Variants in TBC1D5 observed in about 807,000 individuals in gnomAD.
TBC1D5 encodes the protein TBC1 domain family, member 5.
Under a neutral mutation model 100.3 loss-of-function variants are expected in TBC1D5, and 75 were observed. That is an observed-to-expected ratio of 0.75 (90% confidence interval 0.62 to 0.91). The LOEUF is 0.91. Among genes scored for constraint, TBC1D5 ranks in the 40% least tolerant of loss-of-function variants. TBC1D5 has a pLI of 0.00. For synonymous variants in TBC1D5, 323 were observed against 325.6 expected (o/e 0.99, Z 0.09); for missense variants, 910 against 942.4 (o/e 0.97, Z 0.45).
intron 13 of TBC1D5, among the ~76,000 whole-genome samples, chr3:17,353,307 G>A (rs2090851160): frequency 6.6e-6 from 1 of 152,030 alleles, no homozygotes; most frequent in African/African-American, 2.4e-5. Context: ...CTCTACAAGA[G>A]TCAGAAATAG....
intron 3 of TBC1D5, among the ~76,000 whole-genome samples, chr3:17,467,534 C>G (rs1454848322): frequency 6.6e-6 from 1 of 151,860 alleles, no homozygotes; most frequent in South Asian, 2.1e-4. Flanking sequence ...TTACTCAAAA[C>G]TACATAATAT....
chr3:17,459,541 G>T (rs1336395340), intron 3 of TBC1D5, among the ~76,000 whole-genome samples: 1 of 152,156 alleles, frequency 6.6e-6, no homozygotes, highest in Non-Finnish European at 1.5e-5. Context: ...ATACTGTAGA[G>T]CATACTTAAT....
chr3:17,391,603 T>C (rs1476744181), intron 8 of TBC1D5, among the ~76,000 whole-genome samples: 3 of 150,878 alleles, frequency 2.0e-5, no homozygotes, highest in African/African-American at 4.9e-5. Flanking sequence ...GAAGTGCCTA[T>C]GGGACTGGAT....
intron 2 of TBC1D5, among the ~76,000 whole-genome samples, chr3:17,512,154 C>T (rs547659637): frequency 7.2e-5 from 11 of 152,002 alleles, no homozygotes; most frequent in South Asian, 2.1e-4. Context: ...CATTTTCCTA[C>T]GAATTTCCCA....
chr3:17,616,518 A>G (rs992637283), intron 2 of TBC1D5, among the ~76,000 whole-genome samples: 2 of 152,020 alleles, frequency 1.3e-5, no homozygotes, highest in African/African-American at 4.8e-5. Context: ...ATTGTGTGGG[A>G]GTCTAAGTCT....
chr3:17,279,718 T>C (rs1042971331), intron 15 of TBC1D5, among the ~76,000 whole-genome samples: 3 of 152,202 alleles, frequency 2.0e-5, no homozygotes, highest in African/African-American at 4.8e-5. Context: ...TCTTCAAGTG[T>C]TGTCCATGGC....
intron 1 of TBC1D5, among the ~76,000 whole-genome samples, chr3:17,713,762 C>G (rs2074982652): frequency 6.6e-6 from 1 of 151,970 alleles, no homozygotes; most frequent in Non-Finnish European, 1.5e-5. Context: ...ATTCAAATGG[C>G]CAGAAAGCAC....
intron 18 of TBC1D5, among the ~76,000 whole-genome samples, chr3:17,188,872 T>G (rs905928024): frequency 2.0e-5 from 3 of 152,262 alleles, no homozygotes; most frequent in African/African-American, 7.2e-5. Flanking sequence ...TGAGGTTTTA[T>G]GAAACCAACC....
chr3:17,518,344 C>G (rs1208567303), intron 2 of TBC1D5, among the ~76,000 whole-genome samples: 1 of 152,174 alleles, frequency 6.6e-6, no homozygotes, highest in Non-Finnish European at 1.5e-5. Flanking sequence ...CAGGACTCAG[C>G]CAGCACAGAG....
At chr3:17,302,829 T>C (rs1452131084) in intron 14 of TBC1D5, among the ~76,000 whole-genome samples, 1 of 152,206 alleles carries the variant, frequency 6.6e-6, no homozygotes, top group Non-Finnish European at 1.5e-5. Flanking sequence ...GCTCAGAGCC[T>C]GGTACAGTGG....
intron 1 of TBC1D5, among the ~76,000 whole-genome samples, chr3:17,686,781 G>A (rs1011009037): frequency 3.3e-5 from 5 of 152,164 alleles, no homozygotes; most frequent in Non-Finnish European, 7.4e-5. Flanking sequence ...TTGGCAATGC[G>A]TGGAGGCATT....
chr3:17,537,958 C>A (rs935200758), intron 2 of TBC1D5, among the ~76,000 whole-genome samples: 1 of 152,148 alleles, frequency 6.6e-6, no homozygotes, highest in African/African-American at 2.4e-5. Flanking sequence ...CAGGCTACAG[C>A]TCAGTTTTAT....
chr3:17,331,136 C>A (rs1346117539), intron 13 of TBC1D5, among the ~76,000 whole-genome samples: 1 of 152,120 alleles, frequency 6.6e-6, no homozygotes, highest in African/African-American at 2.4e-5. Flanking sequence ...TGTTTACAAC[C>A]CTTTAGTGAC....
chr3:17,651,158 A>T (rs1577236735), intron 1 of TBC1D5, among the ~76,000 whole-genome samples: 1 of 152,318 alleles, frequency 6.6e-6, no homozygotes, highest in Non-Finnish European at 1.5e-5. Context: ...AATCAAAAAA[A>T]TTCTTAAATA....
In TBC1D5 at chr3:17,424,917, A is replaced by G. The variant is rs951615429; in HGVS notation, c.167+3533T>C. Among the ~76,000 whole-genome samples the G allele has an allele frequency of 8.0e-4, 121 of 152,200 alleles. 10 individuals carry two copies. Among genetic ancestry groups the G allele is most frequent in the Non-Finnish European group, 5.9e-5 (4 of 68,034 alleles). ...ATTTATAGTAAAACATCTTCCTTTC[A>G]TCTACTAGGTTTTCAAATTTGTTAT... On this transcript the variant is annotated intron_variant, in intron 4 of 21. Coordinates refer to ENST00000253692, the Ensembl canonical transcript of TBC1D5.
chr3:17,727,218 TA>T (rs1316299525), intron 1 of TBC1D5, among the ~76,000 whole-genome samples: 1 of 152,046 alleles, frequency 6.6e-6, no homozygotes, highest in Non-Finnish European at 1.5e-5. Flanking sequence ...CCATCTCTAC[TA>T]AAAATACAAA....
In TBC1D5 at chr3:17,466,195, G is replaced by T. The variant is rs547282787; in HGVS notation, c.98-37676C>A. Among the ~76,000 whole-genome samples, 40 of 152,286 alleles carry T rather than the reference G, an allele frequency of 2.6e-4. 2 individuals carry two copies. The Middle Eastern group carries it at 0.01, about 39-fold the overall frequency. On this transcript the variant is annotated intron_variant, in intron 3 of 21. Transcript: ENST00000253692. Reference sequence around the variant, plus strand: ...CACACCCATGGAAGAACACATCCCAGTAAGAATATAAGTCAGTATTTTGGT... The same window carrying T: ...CACACCCATGGAAGAACACATCCCATTAAGAATATAAGTCAGTATTTTGGT...
intron 1 of TBC1D5, among the ~76,000 whole-genome samples, chr3:17,658,101 T>A (rs554490922): frequency 2.0e-5 from 3 of 152,296 alleles, no homozygotes; most frequent in Non-Finnish European, 4.4e-5. Flanking sequence ...GACTACATCA[T>A]ATAACCTAGG....
chr3:17,701,486 A>G (rs1166114229), intron 1 of TBC1D5, among the ~76,000 whole-genome samples: 6 of 152,132 alleles, frequency 3.9e-5, no homozygotes, highest in Admixed American at 1.3e-4. Flanking sequence ...AATAATAAAA[A>G]AAAGTCTCCT....
Sources: gnomAD v4.1 joint callset for allele counts (sites outside exome capture counted in the v4.1 genomes callset) on GRCh38, gnomAD v4.1.1 for gene constraint, MANE v1.5 for transcripts, NCBI Gene and HGNC (gene_info 2026-07-23, HGNC 2026-07-21) for gene names.